CSMD3: variants seen among roughly 807,000 people sequenced by gnomAD.
The protein encoded by CSMD3 is CUB and Sushi multiple domains 3.
CSMD3 carries 177 observed loss-of-function variants against 435.2 expected under a neutral mutation model. The ratio of observed to expected loss-of-function variants is 0.41; its 90% confidence interval spans 0.36 to 0.46. CSMD3 has a LOEUF of 0.46. Among genes scored for constraint, CSMD3 ranks in the 20% least tolerant of loss-of-function variants. CSMD3 has a pLI of 0.34. For missense variants in CSMD3, 4,265 were observed against 4,504.6 expected, an observed-to-expected ratio of 0.95 and a Z score of 1.52; for synonymous variants, 1,656 against 1,520.5, an observed-to-expected ratio of 1.09 and a Z score of -2.07.
At chr8:112,321,747 T>C (rs1237110398) in intron 45 of CSMD3, among the ~76,000 whole-genome samples, 1 of 152,156 alleles carries the variant, frequency 6.6e-6, no homozygotes, top group African/African-American at 2.4e-5. Context: ...TTTAACCTGT[T>C]TATAAAAGCA....
chr8:113,173,944 T>C, intron 3 of CSMD3, 28 bp from the exon 4 acceptor site: 1 of 1,510,774 alleles, frequency 6.6e-7, no homozygotes, highest in Non-Finnish European at 9.2e-7. Flanking sequence ...AAGGAGAGTT[T>C]ACAGTTATTT....
intron 5 of CSMD3, among the ~76,000 whole-genome samples, chr8:113,019,802 C>T (rs942867465): frequency 4.6e-5 from 7 of 152,082 alleles, no homozygotes; most frequent in South Asian, 2.1e-4. Context: ...AGTTTATTTT[C>T]ATAGAACAAG....
At chr8:112,849,573 A>C (rs1487181247) in intron 11 of CSMD3, among the ~76,000 whole-genome samples, 1 of 152,002 alleles carries the variant, frequency 6.6e-6, no homozygotes, top group Non-Finnish European at 1.5e-5. Flanking sequence ...GATATGGATA[A>C]AAATAGAAGA....
chr8:112,250,185 T>A (rs1190923290), intron 63 of CSMD3, among the ~76,000 whole-genome samples: 1 of 151,986 alleles, frequency 6.6e-6, no homozygotes, highest in Non-Finnish European at 1.5e-5. Flanking sequence ...AGAAATATGT[T>A]GGACTACATA....
chr8:112,916,539 T>A (rs1163127702), intron 10 of CSMD3, among the ~76,000 whole-genome samples: 2 of 151,896 alleles, frequency 1.3e-5, no homozygotes, highest in Non-Finnish European at 2.9e-5. Flanking sequence ...CTTCACCATA[T>A]GTCACTCTAT....
chr8:112,304,593 G>A (rs936712267), intron 52 of CSMD3, 128 bp downstream of exon 52: 22 of 726,832 alleles, frequency 3.0e-5, no homozygotes, highest in East Asian at 8.0e-5. Context: ...AAAACGTAAC[G>A]AGAATAAATG....
At chr8:112,355,418 C>T (rs1479951340) in intron 38 of CSMD3, among the ~76,000 whole-genome samples, 2 of 152,098 alleles carry the variant, frequency 1.3e-5, no homozygotes, top group Non-Finnish European at 2.9e-5. Flanking sequence ...AAACAACCTA[C>T]AGAATGGGAG....
chr8:112,609,805 A>G (rs1433139051), intron 22 of CSMD3, among the ~76,000 whole-genome samples: 2 of 152,288 alleles, frequency 1.3e-5, no homozygotes, highest in African/African-American at 4.8e-5. Flanking sequence ...ATATATATAT[A>G]TGGAATATTA....
chr8:113,425,791 C>T (rs1416763927), intron 1 of CSMD3, among the ~76,000 whole-genome samples: 2 of 151,510 alleles, frequency 1.3e-5, no homozygotes, highest in East Asian at 3.9e-4. Flanking sequence ...AATTATGAGC[C>T]TGTCAGCATT....
At chr8:112,792,359 C>A (rs2078712721) in intron 13 of CSMD3, among the ~76,000 whole-genome samples, 1 of 152,058 alleles carries the variant, frequency 6.6e-6, no homozygotes, top group Non-Finnish European at 1.5e-5. Context: ...CTTTTTCTGG[C>A]TTGCAGATGG....
At chr8:112,438,981 T>C (rs947917492) in intron 32 of CSMD3, among the ~76,000 whole-genome samples, 5 of 152,206 alleles carry the variant, frequency 3.3e-5, no homozygotes, top group Admixed American at 1.3e-4. Flanking sequence ...GTACTCTTGC[T>C]AATTTTACAA....
intron 5 of CSMD3, among the ~76,000 whole-genome samples, chr8:113,050,665 T>C (rs2088047845): frequency 6.6e-6 from 1 of 152,094 alleles, no homozygotes; most frequent in Non-Finnish European, 1.5e-5. Context: ...ACCCATTCAT[T>C]TTAAGCATAG....
At chr8:112,957,049 G>T (rs575804449) in intron 7 of CSMD3, among the ~76,000 whole-genome samples, 2 of 151,704 alleles carry the variant, frequency 1.3e-5, no homozygotes, top group African/African-American at 2.4e-5. Flanking sequence ...TTAACGGAAA[G>T]AATAATGTAT....
At position 112,954,694 on chromosome 8, in the gene CSMD3, C is replaced by A. The variant is rs1297319789; in HGVS notation, c.1410G>T (p.Lys470Asn). ...AAGAAGTACACTCACAGATAGAAAA[C>A]TTGTTGCTGTTGTCTTTCCCTGGAA... ...KLFPGKDNSN[K>N]FSILNEGGIK... is the part of the protein sequence containing the mutation. Residue 470 changes from lysine to asparagine, a missense_variant, in exon 8 of 71, where the codon AAG becomes AAT. Coordinates refer to ENST00000297405, the MANE Select transcript of CSMD3 (RefSeq NM_198123.2). 1 of 1,598,154 alleles carries A rather than the reference C, an allele frequency of 6.3e-7. No individual in the cohort carries two copies. The highest frequency in any genetic ancestry group is 1.3e-5 in the African/African-American group (1 of 74,550).
intron 13 of CSMD3, among the ~76,000 whole-genome samples, chr8:112,766,707 T>C (rs1458369588): frequency 1.3e-5 from 2 of 151,796 alleles, no homozygotes; most frequent in African/African-American, 4.8e-5. Context: ...CTGATTTCCT[T>C]TGATAGTTGG....
intron 27 of CSMD3, among the ~76,000 whole-genome samples, chr8:112,521,236 T>C (rs1390083203): frequency 6.6e-6 from 1 of 152,028 alleles, no homozygotes; most frequent in Non-Finnish European, 1.5e-5. Context: ...CTTTCTTTAA[T>C]AGAAAATCTA....
chr8:112,406,260 T>G (rs1353906776), intron 35 of CSMD3, among the ~76,000 whole-genome samples: 1 of 152,104 alleles, frequency 6.6e-6, no homozygotes, highest in Non-Finnish European at 1.5e-5. Context: ...ATATATATAT[T>G]TACTTACATC....
Position 113,050,126 on chromosome 8 carries a change from T to C in CSMD3, c.918-30947A>G, listed in dbSNP as rs972250642. Among the ~76,000 whole-genome samples the C allele has an allele frequency of 3.3e-5, 5 of 152,206 alleles. No individual in the cohort carries two copies. In the East Asian group the frequency reaches 9.6e-4, roughly 29 times the overall value. ...AATTTAAAATAGATATTTAAACATA[T>C]GATTTCTAAAGTTAAAAAAAGTTTT... On this transcript the variant is annotated intron_variant, in intron 5 of 70. Transcript: ENST00000297405.
At chr8:112,706,631 C>T (rs1429631532) in intron 13 of CSMD3, among the ~76,000 whole-genome samples, 1 of 151,866 alleles carries the variant, frequency 6.6e-6, no homozygotes, top group East Asian at 1.9e-4. Flanking sequence ...AGTTCAGATG[C>T]AGGGAGGGTT....
Sources: gnomAD v4.1 joint callset for allele counts (sites outside exome capture counted in the v4.1 genomes callset) on GRCh38, gnomAD v4.1.1 for gene constraint, MANE v1.5 for transcripts, NCBI Gene and HGNC (gene_info 2026-07-23, HGNC 2026-07-21) for gene names.